SATL1: variants seen among roughly 807,000 people sequenced by gnomAD.
The protein encoded by SATL1 is spermidine/spermine N(1)-acetyltransferase-like protein 1.
A neutral mutation model predicts 51.8 loss-of-function variants in SATL1; 47 were observed. The observed-to-expected ratio is 0.91, with a 90% CI of 0.72 to 1.16. The LOEUF (loss-of-function observed/expected upper bound fraction) is 1.16, where lower values mean the gene tolerates loss of function less well. SATL1 is among the 50% of genes most tolerant of loss of function. The pLI, the probability that SATL1 is intolerant of heterozygous loss-of-function variation, is 0.00. For synonymous variants in SATL1, 176 were observed against 182.4 expected, an observed-to-expected ratio of 0.97 and a Z score of 0.28; for missense variants, 520 against 526.4, an observed-to-expected ratio of 0.99 and a Z score of 0.12.
chrX:85,149,091 C>T (rs1360612143), intron 2 of SATL1, among the ~76,000 whole-genome samples: 1 of 111,387 alleles, frequency 9.0e-6, no homozygotes, highest in Non-Finnish European at 1.9e-5. Context: ...CAGAGACACA[C>T]ATAGGCTCAA....
intron 3 of SATL1, among the ~76,000 whole-genome samples, chrX:85,106,177 A>G (rs944031159): frequency 3.6e-5 from 4 of 112,285 alleles, no homozygotes; most frequent in Non-Finnish European, 5.6e-5. Flanking sequence ...ACCACCTGGA[A>G]GAATGTGGAT....
At chrX:85,175,118 A>C (rs1927058388) in intron 2 of SATL1, among the ~76,000 whole-genome samples, 1 of 111,433 alleles carries the variant, frequency 9.0e-6, no homozygotes, top group African/African-American at 3.3e-5. Flanking sequence ...AGACCAGTGC[A>C]TCAGCATCAA....
At chrX:85,153,480 G>A (rs1366823317) in intron 2 of SATL1, among the ~76,000 whole-genome samples, 1 of 111,479 alleles carries the variant, frequency 9.0e-6, no homozygotes, top group Non-Finnish European at 1.9e-5. Context: ...TTCTTCATAC[G>A]TGCCACATCT....
intron 2 of SATL1, among the ~76,000 whole-genome samples, chrX:85,131,304 G>T (rs913315894): frequency 1.8e-5 from 2 of 111,555 alleles, no homozygotes; most frequent in Non-Finnish European, 3.8e-5. Flanking sequence ...AAGTCTCTAA[G>T]AACTTGCTTT....
intron 2 of SATL1, among the ~76,000 whole-genome samples, chrX:85,194,456 T>A (rs1389871377): frequency 9.0e-6 from 1 of 111,020 alleles, no homozygotes; most frequent in East Asian, 2.8e-4. Flanking sequence ...GTGAAAAAAA[T>A]ATATTTAAAA....
intron 2 of SATL1, among the ~76,000 whole-genome samples, chrX:85,198,317 C>A (rs1927617000): frequency 9.0e-6 from 1 of 111,600 alleles, no homozygotes; most frequent in Non-Finnish European, 1.9e-5. Context: ...TCTTGGATAT[C>A]TTGATTTCCT....
chrX:85,107,470 A>C lies in SATL1; in HGVS notation c.1499T>G (p.Val500Gly). Reference sequence around the variant, plus strand: ...TTGACTCAGGCCTGGTTGGCTCAGCACTAATTGGTTCAGGTCTTGTTGGCT... The same window carrying C: ...TTGACTCAGGCCTGGTTGGCTCAGCCCTAATTGGTTCAGGTCTTGTTGGCT... ...GLSQQDLNQL[V>G]LSQPGLSQPG... The change falls in exon 3 of 8, where the codon GTG becomes GGG. Residue 500 changes from valine to glycine, a missense_variant. Coordinates refer to ENST00000644105, the MANE Select transcript of SATL1 (RefSeq NM_001367857.2). 8.3e-7 allele frequency: 1 copy of C among 1,209,310 alleles called. No individual in the cohort carries two copies.
At chrX:85,119,001 C>T (rs760192930) in intron 2 of SATL1, among the ~76,000 whole-genome samples, 8 of 111,861 alleles carry the variant, frequency 7.2e-5, no homozygotes, top group Non-Finnish European at 1.1e-4. Context: ...AAATTATTAT[C>T]ATTCAACAAA....
chrX:85,110,859 C>T (rs778625020), intron 2 of SATL1, among the ~76,000 whole-genome samples: 9 of 112,674 alleles, frequency 8.0e-5, no homozygotes, highest in Non-Finnish European at 1.3e-4. Context: ...TGAATTATTT[C>T]TGTGGTGTCA....
At chrX:85,189,625 T>C (rs1927392802) in intron 2 of SATL1, among the ~76,000 whole-genome samples, 1 of 112,202 alleles carries the variant, frequency 8.9e-6, no homozygotes, top group South Asian at 3.7e-4. Flanking sequence ...TATGCTAATA[T>C]CCACTTGAAT....
At chrX:85,139,933 C>T (rs1209468783) in intron 2 of SATL1, among the ~76,000 whole-genome samples, 3 of 111,525 alleles carry the variant, frequency 2.7e-5, no homozygotes, top group Non-Finnish European at 5.7e-5. Flanking sequence ...GCCCATGTAA[C>T]TAGTACCTAG....
chrX:85,223,706 C>T (rs1928219123), intron 2 of SATL1, among the ~76,000 whole-genome samples: 1 of 111,074 alleles, frequency 9.0e-6, no homozygotes, highest in Non-Finnish European at 1.9e-5. Context: ...TTATGGGATC[C>T]GTGTGATAGG....
At chrX:85,146,512 ATAGGTATG>A (rs1926243020) in intron 2 of SATL1, among the ~76,000 whole-genome samples, 1 of 111,963 alleles carries the variant, frequency 8.9e-6, no homozygotes, top group Non-Finnish European at 1.9e-5. Context: ...AAACTTTATC[ATAGGTATG>A]TATGTATAGG....
chrX:85,131,404 G>C (rs1218529686), intron 2 of SATL1, among the ~76,000 whole-genome samples: 3 of 111,066 alleles, frequency 2.7e-5, no homozygotes, highest in African/African-American at 6.6e-5. Context: ...TTATGTAATG[G>C]CCTTCTTTGT....
At chrX:85,099,422 C>A (rs919081905) in intron 4 of SATL1, among the ~76,000 whole-genome samples, 10 of 111,628 alleles carry the variant, frequency 9.0e-5, no homozygotes, top group African/African-American at 2.9e-4. Flanking sequence ...CAGCATTACT[C>A]TGATTCCAAA....
At chrX:85,094,798 C>T (rs1248340085) in intron 5 of SATL1, 118 bp downstream of exon 5, 2 of 469,490 alleles carry the variant, frequency 4.3e-6, no homozygotes, top group Non-Finnish European at 7.3e-6. Context: ...TTTAAAAAAA[C>T]TGGGTTTATA....
At chrX:85,146,784 T>A (rs1926251497) in intron 2 of SATL1, among the ~76,000 whole-genome samples, 1 of 112,701 alleles carries the variant, frequency 8.9e-6, no homozygotes, top group Admixed American at 9.3e-5. Flanking sequence ...CATTGGGGAA[T>A]TTGGGAAAGT....
chrX:85,169,202 T>C (rs1366359102), intron 2 of SATL1, among the ~76,000 whole-genome samples: 4 of 111,717 alleles, frequency 3.6e-5, no homozygotes, highest in African/African-American at 1.3e-4. Flanking sequence ...ATTTTGGACA[T>C]AGGAATGGGC....
chrX:85,204,894 C>G lies in SATL1; in HGVS notation c.-313+19311G>C, dbSNP rs1274664155. The stretch of plus-strand genomic sequence containing the variant: ...TTTTAGAACATTTTCTTCTACCAAC[C>G]TTGGACTAAAGCTGATAATAGAAGC... On this transcript the variant is annotated intron_variant, in intron 2 of 7. Transcript: ENST00000644105. Among the ~76,000 whole-genome samples, 3 of 112,215 alleles carry G rather than the reference C, an allele frequency of 2.7e-5. No homozygotes were observed. The Admixed American group carries it at 2.8e-4, about 11-fold the overall frequency.
Sources: gnomAD v4.1 joint callset for allele counts (sites outside exome capture counted in the v4.1 genomes callset) on GRCh38, gnomAD v4.1.1 for gene constraint, MANE v1.5 for transcripts, NCBI Gene and HGNC (gene_info 2026-07-23, HGNC 2026-07-21) for gene names.